CBR4: variants seen among roughly 807,000 people sequenced by gnomAD.
The protein encoded by CBR4 is carbonyl reductase 4.
In CBR4, 22 loss-of-function variants were observed where a neutral mutation model predicts 21.0. The observed-to-expected ratio is 1.05, with a 90% CI of 0.75 to 1.50. The LOEUF (loss-of-function observed/expected upper bound fraction) is 1.50. Ranked by LOEUF, CBR4 falls within the 40% of genes most tolerant of loss-of-function variation. CBR4 has a pLI of 0.00. For missense variants in CBR4, 302 were observed against 286.3 expected (o/e 1.05, Z -0.40); for synonymous variants, 100 against 104.4 (o/e 0.96, Z 0.26).
rs1469235154 is a variant in CBR4 at position 168,995,778 on chromosome 4, A to G, written c.536-5450T>C. On this transcript the variant is annotated intron_variant, in intron 4 of 4. Transcript: ENST00000306193. ...ATCTCCTGGAGAGTTAGACGTTTCC[A>G]GTTTGGAGGACAGACATGTGATCCC... 2.0e-5 allele frequency among the ~76,000 whole-genome samples: 3 copies of G among 152,194 alleles called. No individual in the cohort carries two copies. In the East Asian group the frequency reaches 5.8e-4, roughly 29 times the overall value.
chr4:168,906,945 G>A (rs1055130825), intron 2 of CBR4, among the ~76,000 whole-genome samples: 1 of 152,166 alleles, frequency 6.6e-6, no homozygotes, highest in Non-Finnish European at 1.5e-5. Context: ...CAACACCGAT[G>A]ATACTGAAAA....
intron 2 of CBR4, among the ~76,000 whole-genome samples, chr4:168,954,717 T>G (rs929073584): frequency 6.6e-6 from 1 of 152,078 alleles, no homozygotes; most frequent in Non-Finnish European, 1.5e-5. Flanking sequence ...CCAAATGAAG[T>G]CATAAACCAT....
At chr4:168,981,034 A>T (rs1268481665) in intron 2 of CBR4, among the ~76,000 whole-genome samples, 2 of 152,232 alleles carry the variant, frequency 1.3e-5, no homozygotes, top group Non-Finnish European at 2.9e-5. Context: ...GAGACAACTG[A>T]AACCCATTCC....
intron 2 of CBR4, among the ~76,000 whole-genome samples, chr4:168,929,572 T>C (rs929344831): frequency 2.6e-5 from 4 of 152,192 alleles, no homozygotes; most frequent in Non-Finnish European, 5.9e-5. Context: ...TTTATCATCA[T>C]GTAAATTTAG....
intron 2 of CBR4, chr4:168,896,602 T>A (rs1755231070): frequency 1.3e-6 from 2 of 1,489,770 alleles, no homozygotes; most frequent in Non-Finnish European, 1.8e-6. Context: ...GTCAAAAGGT[T>A]AAGCTTTTCA....
chr4:168,935,367 G>A (rs1320465158), intron 2 of CBR4, among the ~76,000 whole-genome samples: 1 of 152,190 alleles, frequency 6.6e-6, no homozygotes, highest in Non-Finnish European at 1.5e-5. Context: ...AGCTGCAGGA[G>A]TTTCTTTTCG....
rs1560894892 is a variant in CBR4 at position 168,905,138 on chromosome 4, G to GTTTTTTGTTTTT, written n.170-10374_170-10373insAAAAACAAAAAA. ...TGAGACTTTGTTTTTTGTTTTGTTG[G>GTTTTTTGTTTTT]TTTTTTTTTTTTTTTTTTTTTTTTT... On this transcript the variant is annotated intron_variant and non_coding_transcript_variant, in intron 2 of 3. Transcript: ENST00000509108. 1.4e-4 allele frequency among the ~76,000 whole-genome samples: 5 copies of GTTTTTTGTTTTT among 34,540 alleles called. 1 individual carries two copies. Among genetic ancestry groups the GTTTTTTGTTTTT allele is most frequent in the Non-Finnish European group, 3.5e-4 (5 of 14,186 alleles). 22.7% of individuals were successfully genotyped at this position (34,540 alleles called of 152,430 possible). A position where few individuals can be genotyped will look rare whatever the true frequency, so the allele number is the denominator to read the frequency against.
intron 2 of CBR4, among the ~76,000 whole-genome samples, chr4:168,911,943 A>G (rs891906915): frequency 6.6e-6 from 1 of 151,996 alleles, no homozygotes; most frequent in Admixed American, 6.6e-5. Flanking sequence ...TCTCTTTGGT[A>G]ATTCCTCATT....
intron 2 of CBR4, among the ~76,000 whole-genome samples, chr4:168,942,645 G>A (rs924642429): frequency 4.6e-5 from 7 of 152,082 alleles, no homozygotes; most frequent in Admixed American, 1.3e-4. Context: ...CAAACCAAAA[G>A]CTTGCGCACG....
At chr4:168,990,909 C>T (rs1265910146) in intron 4 of CBR4, among the ~76,000 whole-genome samples, 1 of 151,752 alleles carries the variant, frequency 6.6e-6, no homozygotes, top group Non-Finnish European at 1.5e-5. Flanking sequence ...AAAAAATTAG[C>T]TGGGGGTGGT....
At chr4:168,972,159 G>A (rs1290222992) in intron 2 of CBR4, among the ~76,000 whole-genome samples, 3 of 151,986 alleles carry the variant, frequency 2.0e-5, no homozygotes, top group African/African-American at 7.2e-5. Context: ...ATTTATACCA[G>A]TATCATGCTA....
chr4:168,974,147 T>C (rs1043198424), intron 2 of CBR4, among the ~76,000 whole-genome samples: 1 of 152,216 alleles, frequency 6.6e-6, no homozygotes, highest in Non-Finnish European at 1.5e-5. Flanking sequence ...CATTTCTTTG[T>C]CTGAAAAAGA....
intron 2 of CBR4, among the ~76,000 whole-genome samples, chr4:168,899,258 A>C (rs1755924331): frequency 6.6e-6 from 1 of 152,202 alleles, no homozygotes; most frequent in African/African-American, 2.4e-5. Context: ...CCTGGATGGG[A>C]GCTCTCTCCA....
intron 2 of CBR4, among the ~76,000 whole-genome samples, chr4:168,928,866 A>ACGT (rs1762863541): frequency 6.6e-6 from 1 of 152,142 alleles, no homozygotes; most frequent in Non-Finnish European, 1.5e-5. Context: ...CTTTTAAATT[A>ACGT]CGTCAGGCCC....
chr4:168,911,005 C>CA lies in CBR4; in HGVS notation n.170-16241dup, dbSNP rs1758833688. Among the ~76,000 whole-genome samples the CA allele has an allele frequency of 2.0e-5, 3 of 152,112 alleles. No individual in the cohort carries two copies. The South Asian group carries it at 6.2e-4, about 32-fold the overall frequency. On this transcript the variant is annotated intron_variant and non_coding_transcript_variant, in intron 2 of 3. Transcript: ENST00000509108. ...ATGTCCATGCATAATGTCTCAGACC[C>CA]ATGATAACACAGTACCAGCTATGAG... is the stretch of plus-strand genomic sequence containing the variant.
intron 2 of CBR4, among the ~76,000 whole-genome samples, chr4:168,974,445 T>G (rs1310868253): frequency 1.3e-5 from 2 of 152,240 alleles, no homozygotes; most frequent in East Asian, 3.8e-4. Flanking sequence ...TGTATTTAGA[T>G]GTCTAGATCT....
chr4:168,946,871 C>G lies in CBR4; in HGVS notation n.170-52106G>C, dbSNP rs111282863. ...GGGTTCCAGCAGTTAAAAAGTCTGT[C>G]CACATACACCATCCCACAGTGAAGA... On this transcript the variant is annotated intron_variant and non_coding_transcript_variant, in intron 2 of 3. Coordinates refer to the CBR4 transcript ENST00000509108. 9.3e-4 allele frequency among the ~76,000 whole-genome samples: 142 copies of G among 152,190 alleles called. 1 individual carries two copies. The highest frequency in any genetic ancestry group is 3.3e-3 in the African/African-American group (137 of 41,540).
At chr4:168,976,975 C>T (rs897742584) in intron 2 of CBR4, among the ~76,000 whole-genome samples, 2 of 152,232 alleles carry the variant, frequency 1.3e-5, no homozygotes, top group Non-Finnish European at 1.5e-5. Context: ...TATGTGTGTT[C>T]GGAAGCCAAC....
intron 4 of CBR4, among the ~76,000 whole-genome samples, chr4:168,996,019 C>T (rs1030617724): frequency 1.3e-5 from 2 of 152,134 alleles, no homozygotes; most frequent in African/African-American, 2.4e-5. Context: ...CCACCCACCT[C>T]GAATGAAAAG....
Sources: gnomAD v4.1 joint callset for allele counts (sites outside exome capture counted in the v4.1 genomes callset) on GRCh38, gnomAD v4.1.1 for gene constraint, MANE v1.5 for transcripts, NCBI Gene and HGNC (gene_info 2026-07-23, HGNC 2026-07-21) for gene names.